GNA12: variants seen among roughly 807,000 people sequenced by gnomAD.
The protein encoded by GNA12 is G protein subunit alpha 12.
A neutral mutation model predicts 26.0 loss-of-function variants in GNA12; 9 were observed. That is an observed-to-expected ratio of 0.35 (90% CI 0.21 to 0.60). GNA12 has a LOEUF of 0.60. Ranked by LOEUF, GNA12 falls within the 20% of genes least tolerant of loss-of-function variation. The pLI is 0.78. For missense variants in GNA12, 405 were observed against 525.8 expected (o/e 0.77, Z 2.25); for synonymous variants, 264 against 219.6 (o/e 1.20, Z -1.79).
At chr7:2,837,381 G>A (rs1387414621) in intron 1 of GNA12, among the ~76,000 whole-genome samples, 2 of 152,200 alleles carry the variant, frequency 1.3e-5, no homozygotes, top group Admixed American at 1.3e-4. Flanking sequence ...CCGTATGTCA[G>A]AGTCCCAGAA....
At position 2,783,702 on chromosome 7, in the gene GNA12, T is replaced by TTTA. The variant is rs1562426080; in HGVS notation, c.525+11225_525+11226insTAA. On this transcript the variant is annotated intron_variant, in intron 2 of 3. Coordinates refer to ENST00000275364, the MANE Select transcript of GNA12 (RefSeq NM_007353.3). Reference sequence around the variant, plus strand: ...TATTTATTTATTTATTTATTTATTTTGAGATGTAGTATTGCTCTGTCCCCC... The same window carrying TTTA: ...TATTTATTTATTTATTTATTTATTTTTTAGAGATGTAGTATTGCTCTGTCCCCC... Among the ~76,000 whole-genome samples the TTTA allele has an allele frequency of 4.3e-3, 436 of 101,232 alleles. 3 individuals are homozygous for TTTA. The highest frequency in any genetic ancestry group is 6.4e-3 in the Non-Finnish European group (313 of 48,716). 66.4% of individuals were successfully genotyped at this position (101,232 alleles called of 152,430 possible).
chr7:2,841,878 G>A (rs769870138), intron 1 of GNA12, among the ~76,000 whole-genome samples: 1 of 152,078 alleles, frequency 6.6e-6, no homozygotes, highest in African/African-American at 2.4e-5. Flanking sequence ...CTCCAGGCAG[G>A]TTTTCTGGCA....
intron 2 of GNA12, among the ~76,000 whole-genome samples, chr7:2,734,310 T>A (rs1340217491): frequency 2.6e-5 from 4 of 152,162 alleles, no homozygotes; most frequent in African/African-American, 9.7e-5. Flanking sequence ...AAAGGTAGCG[T>A]ATTAAAAACC....
At position 2,729,479 on chromosome 7, in the gene GNA12, C is replaced by A. The variant is rs1192875280; in HGVS notation, c.*1702G>T. The A allele has an allele frequency of 1.3e-5, 2 of 152,624 alleles. No individual in the cohort carries two copies. The highest frequency in any genetic ancestry group is 3.8e-4 in the East Asian group (2 of 5,326). The allele number at this position is 152,624 out of a possible 1,614,324, so 9.5% of individuals were successfully genotyped here. A position where few individuals can be genotyped will look rare whatever the true frequency, so the allele number is the denominator to read the frequency against. On this transcript the variant is annotated 3_prime_UTR_variant, in exon 4 of 4. Transcript: ENST00000275364. ...GCCACAAGCCCAGCAAACACTGACA[C>A]ACAGCCTCGAGCACTGCGAGAGAGA...
At chr7:2,773,761 C>T (rs1792006624) in intron 2 of GNA12, among the ~76,000 whole-genome samples, 1 of 152,122 alleles carries the variant, frequency 6.6e-6, no homozygotes, top group Non-Finnish European at 1.5e-5. Flanking sequence ...GCAAGTCCAC[C>T]CCTGGACAGC....
At chr7:2,744,175 G>C (rs1372407095) in intron 2 of GNA12, among the ~76,000 whole-genome samples, 1 of 152,216 alleles carries the variant, frequency 6.6e-6, no homozygotes, top group Non-Finnish European at 1.5e-5. Flanking sequence ...GAGAGTAGTG[G>C]TTCTCCCAGC....
intron 2 of GNA12, among the ~76,000 whole-genome samples, chr7:2,770,041 C>CA (rs1422781256): frequency 6.6e-6 from 1 of 152,152 alleles, no homozygotes; most frequent in East Asian, 1.9e-4. Context: ...ATCATAGTGA[C>CA]ATGCAGAGCT....
intron 1 of GNA12, among the ~76,000 whole-genome samples, chr7:2,808,336 A>G (rs1793000276): frequency 6.6e-6 from 1 of 152,146 alleles, no homozygotes; most frequent in Admixed American, 6.5e-5. Context: ...AGGCCCTGCT[A>G]CCATGCTGCC....
At chr7:2,736,345 C>G (rs1389759948) in intron 2 of GNA12, among the ~76,000 whole-genome samples, 1 of 152,174 alleles carries the variant, frequency 6.6e-6, no homozygotes, top group East Asian at 1.9e-4. Flanking sequence ...ACCTACACCA[C>G]TCAAGATTAA....
At chr7:2,806,002 A>G (rs1792937461) in intron 1 of GNA12, among the ~76,000 whole-genome samples, 1 of 152,214 alleles carries the variant, frequency 6.6e-6, no homozygotes, top group Non-Finnish European at 1.5e-5. Context: ...TACTGATTAC[A>G]TGTTGCAATT....
At chr7:2,754,076 A>G (rs1583240058) in intron 2 of GNA12, among the ~76,000 whole-genome samples, 1 of 151,886 alleles carries the variant, frequency 6.6e-6, no homozygotes, top group Non-Finnish European at 1.5e-5. Flanking sequence ...GTACCCTTTT[A>G]CCTCCCCACC....
chr7:2,788,616 C>T (rs938630935), intron 2 of GNA12, among the ~76,000 whole-genome samples: 2 of 152,330 alleles, frequency 1.3e-5, no homozygotes, highest in Admixed American at 1.3e-4. Flanking sequence ...GGCCTGCTCA[C>T]AGGCCATGTT....
intron 2 of GNA12, among the ~76,000 whole-genome samples, chr7:2,739,501 T>C (rs936767416): frequency 1.3e-4 from 20 of 152,128 alleles, no homozygotes; most frequent in African/African-American, 4.3e-4. Flanking sequence ...GTATATTACA[T>C]GCCATTGTAT....
Position 2,844,155 on chromosome 7 carries a change from C to G in GNA12, c.7G>C (p.Gly3Arg). The G allele has an allele frequency of 6.1e-6, 6 of 984,682 alleles. No individual in the cohort carries two copies. The highest frequency in any genetic ancestry group is 7.2e-6 in the Non-Finnish European group (6 of 830,934). The allele number at this position is 984,682 out of a possible 1,614,324, so 61.0% of individuals were successfully genotyped here. The change falls in exon 1 of 4, where the codon GGG becomes CGG. Residue 3 changes from glycine to arginine, a missense_variant. Transcript: ENST00000275364. Reference sequence around the variant, plus strand: ...CAGCGGCTGAGGGTCCGCACCACCCCGGACATGGCCCCTCAGGCCGCGGCC... The same window carrying G: ...CAGCGGCTGAGGGTCCGCACCACCCGGGACATGGCCCCTCAGGCCGCGGCC... MSGVVRTLSRCLL... is the reference protein window; with the variant it reads MSRVVRTLSRCLL...
intron 2 of GNA12, among the ~76,000 whole-genome samples, chr7:2,751,646 A>C (rs1197688078): frequency 6.6e-6 from 1 of 152,238 alleles, no homozygotes; most frequent in Non-Finnish European, 1.5e-5. Flanking sequence ...TAAGAAAAAG[A>C]AAAAACAAAT....
chr7:2,754,827 C>T (rs141284005), intron 2 of GNA12, among the ~76,000 whole-genome samples: 43 of 152,300 alleles, frequency 2.8e-4, no homozygotes, highest in Middle Eastern at 3.4e-3. Flanking sequence ...TTGATTTCAA[C>T]GGATCACTAG....
chr7:2,842,005 G>GAGGGAGGGAGAAAGGAAGAA (rs1554264299), intron 1 of GNA12, among the ~76,000 whole-genome samples: 8 of 148,618 alleles, frequency 5.4e-5, no homozygotes, highest in South Asian at 4.3e-4. Context: ...GAGAGGTAGG[G>GAGGGAGGGAGAAAGGAAGAA]AGGGAGGGAG....
At chr7:2,795,320 G>C (rs1210553506) in intron 1 of GNA12, among the ~76,000 whole-genome samples, 177 bp from the exon 2 acceptor site, 1 of 152,162 alleles carries the variant, frequency 6.6e-6, no homozygotes, top group African/African-American at 2.4e-5. Context: ...TTAACTCTCA[G>C]CAGTATAACC....
intron 2 of GNA12, among the ~76,000 whole-genome samples, chr7:2,739,000 C>T (rs1790360417): frequency 6.6e-6 from 1 of 152,126 alleles, no homozygotes; most frequent in South Asian, 2.1e-4. Flanking sequence ...AGCAGTGAGA[C>T]CCCAGGAAGA....
Sources: gnomAD v4.1 joint callset for allele counts (sites outside exome capture counted in the v4.1 genomes callset) on GRCh38, gnomAD v4.1.1 for gene constraint, MANE v1.5 for transcripts, NCBI Gene and HGNC (gene_info 2026-07-23, HGNC 2026-07-21) for gene names.